XBP1: variants seen among roughly 807,000 people sequenced by gnomAD.
XBP1 encodes the protein X-box binding protein 1.
Under a neutral mutation model 34.6 loss-of-function variants are expected in XBP1, and 18 were observed. The observed-to-expected ratio is 0.52, with a 90% CI of 0.36 to 0.77. XBP1 has a LOEUF of 0.77. Ranked by LOEUF, XBP1 falls within the 30% of genes least tolerant of loss-of-function variation. The pLI is 0.00. For synonymous variants in XBP1, 191 were observed against 193.4 expected (o/e 0.99, Z 0.11); for missense variants, 422 against 464.6 (o/e 0.91, Z 0.84).
intron 1 of XBP1, chr22:28,800,054 TC>T: frequency 1.3e-6 from 1 of 768,620 alleles, no homozygotes; most frequent in Non-Finnish European, 2.4e-6. Flanking sequence ...TCTGGTCATC[TC>T]TAACGAGAGA....
chr22:28,796,290 A>G (rs2031751702), intron 3 of XBP1, 98 bp from the exon 4 acceptor site: 8 of 1,250,654 alleles, frequency 6.4e-6, no homozygotes, highest in African/African-American at 1.5e-5. Context: ...TACTTTTCAA[A>G]AAGATTCTAG....
exon 6 of XBP1, chr22:28,795,323 G>A: frequency 6.4e-7 from 1 of 1,551,988 alleles, no homozygotes; most frequent in Non-Finnish European, 8.7e-7. Flanking sequence ...GCAGGAAGAT[G>A]GCTTTGGGCA....
intron 3 of XBP1, 87 bp from the exon 4 acceptor site, chr22:28,796,279 T>C (rs2031751286): frequency 1.5e-6 from 2 of 1,335,292 alleles, no homozygotes; most frequent in African/African-American, 1.5e-5. Context: ...CTTTAAAGAA[T>C]TACTTTTCAA....
exon 6 of XBP1, chr22:28,795,531 T>C (rs2031731760): frequency 6.2e-7 from 1 of 1,614,208 alleles, no homozygotes; most frequent in Non-Finnish European, 8.5e-7. Flanking sequence ...TTGGTATATA[T>C]GTGGTCAAAA....
At chr22:28,800,209 G>A (rs943720865) in intron 1 of XBP1, 89 bp downstream of exon 1, 2 of 1,449,854 alleles carry the variant, frequency 1.4e-6, no homozygotes, top group Non-Finnish European at 1.9e-6. Context: ...GGGGCGGCCA[G>A]TGCTGGGTCC....
At chr22:28,797,324 G>A (rs1390744099) in intron 2 of XBP1, 119 bp from the exon 3 acceptor site, 2 of 1,203,810 alleles carry the variant, frequency 1.7e-6, no homozygotes, top group Non-Finnish European at 2.3e-6. Flanking sequence ...CTATGCTTGT[G>A]GTGTTCATAG....
At chr22:28,798,302 CTT>C (rs71316865) in intron 2 of XBP1, among the ~76,000 whole-genome samples, 19 of 123,288 alleles carry the variant, frequency 1.5e-4, no homozygotes, top group Non-Finnish European at 1.3e-4. Flanking sequence ...CTTAGATTAA[CTT>C]TTTTTTTTTT....
chr22:28,800,027 G>C (rs768406016), intron 1 of XBP1: 2 of 779,084 alleles, frequency 2.6e-6, no homozygotes. Context: ...TGGAAGACAG[G>C]TGCCCGCATC....
chr22:28,795,732 A>G (rs780961536), exon 6 of XBP1: 1 of 1,527,646 alleles, frequency 6.5e-7, no homozygotes, highest in Non-Finnish European at 8.8e-7. Context: ...AGGATATCAG[A>G]CTGTAAGAGG....
intron 5 of XBP1, 53 bp downstream of exon 5, chr22:28,795,994 C>T: frequency 6.2e-7 from 1 of 1,608,694 alleles, no homozygotes; most frequent in South Asian, 1.1e-5. Context: ...AAGCATCAAA[C>T]AGATGGAATT....
intron 5 of XBP1, 87 bp downstream of exon 5, chr22:28,795,960 C>G: frequency 6.4e-7 from 1 of 1,551,610 alleles, no homozygotes; most frequent in South Asian, 1.1e-5. Context: ...AACTTCAACC[C>G]TCATCTGTCT....
At chr22:28,799,925 C>T (rs1383053542) in intron 1 of XBP1, 3 of 775,108 alleles carry the variant, frequency 3.9e-6, no homozygotes, top group African/African-American at 3.4e-5. Flanking sequence ...CGCGCCTCTC[C>T]AGAAATAGCA....
chr22:28,797,270 T>G, intron 2 of XBP1, 65 bp from the exon 3 acceptor site: 1 of 1,540,726 alleles, frequency 6.5e-7, no homozygotes, highest in Non-Finnish European at 8.8e-7. Context: ...TCTACCTGAT[T>G]CAGTATAATT....
In XBP1 at chr22:28,798,767, C is replaced by CCTTTTT. The variant is rs1182027037; in HGVS notation, c.324+284_324+289dup. The CCTTTTT allele has an allele frequency of 2.1e-3, 406 of 196,398 alleles. 3 individuals are homozygous for CCTTTTT. The highest frequency in any genetic ancestry group is 4.3e-3 in the Middle Eastern group (2 of 460). 12.2% of individuals were successfully genotyped at this position (196,398 alleles called of 1,614,324 possible). A position where few individuals can be genotyped will look rare whatever the true frequency, so the allele number is the denominator to read the frequency against. On this transcript the variant is annotated intron_variant, in intron 2 of 5. Coordinates refer to ENST00000344347, the Ensembl canonical transcript of XBP1. ...TGGGACTACAGGCACTCACGCTTGG[C>CCTTTTT]CTTTTTTTTTTTTTTTTTTTTGGTA...
intron 1 of XBP1, 79 bp downstream of exon 1, chr22:28,800,219 C>T: frequency 6.7e-7 from 1 of 1,489,964 alleles, no homozygotes. Context: ...GTGCTGGGTC[C>T]CCGCTCCCAG....
chr22:28,796,343 T>C, intron 3 of XBP1, 151 bp from the exon 4 acceptor site: 1 of 666,242 alleles, frequency 1.5e-6, no homozygotes. Flanking sequence ...AACATTATTA[T>C]TATTGAGAAG....
At chr22:28,800,479 T>C (rs2031862087) in exon 1 of XBP1, 2 of 1,485,644 alleles carry the variant, frequency 1.3e-6, no homozygotes, top group Admixed American at 2.5e-5. Context: ...AGCAGAACTT[T>C]AGGGGTCCCG....
rs574330171 is a variant in XBP1, at chr22:28,795,829, CATT to C, written c.574-100_574-98del. Reference sequence around the variant, plus strand: ...ACTGGGTTCCATAATGTAAATTAGTCATTATGTGATAAGATGACCTCGGGACCC... The same window carrying C: ...ACTGGGTTCCATAATGTAAATTAGTCATGTGATAAGATGACCTCGGGACCC... On this transcript the variant is annotated intron_variant, in intron 5 of 5. Transcript: ENST00000344347. 1.0e-4 allele frequency: 142 copies of C among 1,363,576 alleles called. No homozygotes were observed. The South Asian group carries it at 1.8e-3, about 17-fold the overall frequency. The allele number at this position is 1,363,576 out of a possible 1,614,324, so 84.5% of individuals were successfully genotyped here. A position where few individuals can be genotyped will look rare whatever the true frequency, so the allele number is the denominator to read the frequency against.
chr22:28,795,130 G>A, downstream of XBP1: 4 of 1,454,096 alleles, frequency 2.8e-6, 1 homozygote, highest in South Asian at 5.9e-5. Flanking sequence ...TATCCTCCAG[G>A]CAGTGTAATA....
Sources: allele counts gnomAD v4.1 joint callset (sites outside exome capture counted in the v4.1 genomes callset), GRCh38; gene constraint gnomAD v4.1.1; transcripts MANE v1.5; gene names NCBI Gene and HGNC (gene_info 2026-07-23, HGNC 2026-07-21).